The following CMIP variants were observed in gnomAD, a reference collection of about 807,000 sequenced individuals.
The protein encoded by CMIP is c-Maf inducing protein, also known as C-Maf-inducing protein.
CMIP carries 13 observed loss-of-function variants against 97.3 expected under a neutral mutation model. That is an observed-to-expected ratio of 0.13 (90% CI 0.09 to 0.21). The LOEUF (loss-of-function observed/expected upper bound fraction) is 0.21, where lower values mean the gene tolerates loss of function less well. Among genes scored for constraint, CMIP ranks in the 10% least tolerant of loss-of-function variants. The pLI, the probability that CMIP is intolerant of heterozygous loss-of-function variation, is 1.00. For synonymous variants in CMIP, 538 were observed against 436.3 expected (o/e 1.23, Z -2.91); for missense variants, 847 against 1,024.9 (o/e 0.83, Z 2.37).
chr16:81,527,126 G>C (rs2090147834), intron 1 of CMIP, among the ~76,000 whole-genome samples: 2 of 152,238 alleles, frequency 1.3e-5, no homozygotes, highest in South Asian at 4.1e-4. Flanking sequence ...GTCTGCTACA[G>C]AATTTCTCAG....
intron 2 of CMIP, among the ~76,000 whole-genome samples, chr16:81,613,874 A>G (rs2150951136): frequency 6.6e-6 from 1 of 152,170 alleles, no homozygotes; most frequent in Middle Eastern, 3.4e-3. Context: ...CATCTATCCA[A>G]TTCATTCATT....
At chr16:81,645,643 G>A (rs765358741) in intron 3 of CMIP, 1 of 1,531,862 alleles carries the variant, frequency 6.5e-7, no homozygotes, top group South Asian at 1.2e-5. Context: ...GGACAGCGCT[G>A]GAGTGGCTGA....
chr16:81,514,060 C>T (rs528150832), intron 1 of CMIP, among the ~76,000 whole-genome samples: 11 of 152,290 alleles, frequency 7.2e-5, no homozygotes, highest in South Asian at 2.1e-4. Context: ...ACAAAAACGC[C>T]GCCAGCTTTG....
At chr16:81,664,121 C>T in intron 6 of CMIP, 148 bp from the exon 7 acceptor site, 1 of 652,872 alleles carries the variant, frequency 1.5e-6, no homozygotes, top group Non-Finnish European at 2.5e-6. Context: ...CCAAAATAAA[C>T]TCATTTTTAG....
At chr16:81,539,771 G>T (rs2090414576) in intron 1 of CMIP, among the ~76,000 whole-genome samples, 1 of 152,142 alleles carries the variant, frequency 6.6e-6, no homozygotes, top group Non-Finnish European at 1.5e-5. Context: ...CATCTTCAGT[G>T]CCACCTCCAC....
At chr16:81,594,819 A>G (rs1318413473) in intron 1 of CMIP, among the ~76,000 whole-genome samples, 2 of 131,676 alleles carry the variant, frequency 1.5e-5, no homozygotes, top group Non-Finnish European at 3.2e-5. Flanking sequence ...TTGAGTAGAG[A>G]CGGGGTTTTA....
At chr16:81,637,710 A>G (rs2092254377) in intron 3 of CMIP, among the ~76,000 whole-genome samples, 1 of 152,166 alleles carries the variant, frequency 6.6e-6, no homozygotes. Flanking sequence ...TGGGGGAGGC[A>G]GCTGGCCCAT....
At chr16:81,639,412 C>T (rs182462584) in intron 3 of CMIP, among the ~76,000 whole-genome samples, 1 of 152,200 alleles carries the variant, frequency 6.6e-6, no homozygotes, top group Non-Finnish European at 1.5e-5. Context: ...TCCCCATTAC[C>T]CCCTCCCCCA....
chr16:81,609,998 G>A (rs934557736), intron 2 of CMIP, among the ~76,000 whole-genome samples: 1 of 152,216 alleles, frequency 6.6e-6, no homozygotes, highest in African/African-American at 2.4e-5. Flanking sequence ...GAGGGGCCTA[G>A]ATCTGTGCAT....
chr16:81,621,393 C>G lies in CMIP; in HGVS notation c.477+467C>G, dbSNP rs2091990176. On this transcript the variant is annotated intron_variant, in intron 3 of 20. Transcript: ENST00000537098. This position sits in a 1 kb window ranked among gnomAD's most constrained non-coding sequence, Gnocchi z 4.1. ...GATTCTGTGGCCTAATTTTCTGATT[C>G]TGGCTCTACATAGGATGGTTCAGAG... is the stretch of plus-strand genomic sequence containing the variant. The G allele has an allele frequency of 1.2e-5, 2 of 163,590 alleles. No homozygotes were observed. Among genetic ancestry groups the G allele is most frequent in the African/African-American group, 4.8e-5 (2 of 41,862 alleles). 10.1% of individuals were successfully genotyped at this position (163,590 alleles called of 1,614,324 possible).
At chr16:81,471,428 G>T (rs986363139) in intron 1 of CMIP, among the ~76,000 whole-genome samples, 5 of 151,990 alleles carry the variant, frequency 3.3e-5, no homozygotes, top group Non-Finnish European at 7.3e-5. Flanking sequence ...ACATGTACAT[G>T]CACATACATT....
At chr16:81,605,585 C>T (rs7185203) in intron 1 of CMIP, among the ~76,000 whole-genome samples, 50,775 of 152,102 alleles carry the variant, frequency 0.33, 8,635 homozygotes, top group Middle Eastern at 0.45. Flanking sequence ...TTCTCTCCAA[C>T]GCATCGCTTA....
intron 20 of CMIP, among the ~76,000 whole-genome samples, chr16:81,707,625 G>A (rs190972683): frequency 1.0e-3 from 155 of 152,364 alleles, no homozygotes; most frequent in African/African-American, 3.1e-3. Flanking sequence ...TGAGGGCTGC[G>A]CTGCACCGGC....
chr16:81,584,860 G>C (rs1026627649), intron 1 of CMIP, among the ~76,000 whole-genome samples: 15 of 152,212 alleles, frequency 9.9e-5, no homozygotes, highest in Admixed American at 3.3e-4. Flanking sequence ...GATGAAGCCT[G>C]CTGGGCCTGG....
chr16:81,583,313 G>A (rs1307285605), intron 1 of CMIP, among the ~76,000 whole-genome samples: 1 of 152,238 alleles, frequency 6.6e-6, no homozygotes, highest in African/African-American at 2.4e-5. Flanking sequence ...CGGGGTCGGG[G>A]CTCCGGGCCT....
intron 1 of CMIP, among the ~76,000 whole-genome samples, chr16:81,559,596 T>C (rs2090836421): frequency 6.6e-6 from 1 of 152,150 alleles, no homozygotes; most frequent in African/African-American, 2.4e-5. Context: ...GCCATAGCTG[T>C]AGAGATGTCA....
intron 10 of CMIP, among the ~76,000 whole-genome samples, chr16:81,680,828 C>T (rs1285107820): frequency 1.3e-5 from 2 of 152,258 alleles, no homozygotes; most frequent in African/African-American, 2.4e-5. Context: ...TCCAACTCCC[C>T]AGTTCCAGCT....
chr16:81,571,169 TCTGTTAAAGAAAAAA>T (rs2091080287), intron 1 of CMIP, among the ~76,000 whole-genome samples: 2 of 152,010 alleles, frequency 1.3e-5, no homozygotes, highest in African/African-American at 2.4e-5. Flanking sequence ...AAAAATAAAA[TCTGTTAAAGAAAAAA>T]AGACAGGCGG....
intron 1 of CMIP, among the ~76,000 whole-genome samples, chr16:81,505,641 C>G (rs551389112): frequency 5.3e-5 from 8 of 152,328 alleles, no homozygotes; most frequent in South Asian, 2.1e-4. Flanking sequence ...GATCATTTCC[C>G]TCTTGTAAGC....
Sources: allele counts gnomAD v4.1 joint callset (sites outside exome capture counted in the v4.1 genomes callset), GRCh38; gene constraint gnomAD v4.1.1; non-coding constraint Gnocchi (gnomAD v3.1); transcripts MANE v1.5; gene names NCBI Gene and HGNC (gene_info 2026-07-23, HGNC 2026-07-21).